The following GPHN variants were observed in gnomAD, a reference collection of about 807,000 sequenced individuals.
The protein encoded by GPHN is gephyrin.
Under a neutral mutation model 95.5 loss-of-function variants are expected in GPHN, and 17 were observed. The observed-to-expected ratio is 0.18, with a 90% CI of 0.12 to 0.27. GPHN has a LOEUF of 0.27. Ranked by LOEUF, GPHN falls within the 10% of genes least tolerant of loss-of-function variation. The probability of loss-of-function intolerance (pLI) is 1.00; values close to 1 mark genes in which losing one functional copy is unlikely to be tolerated. For missense variants in GPHN, 660 were observed against 978.1 expected (o/e 0.67, Z 4.34); for synonymous variants, 320 against 322.5 (o/e 0.99, Z 0.08).
rs142707079 is a variant in GPHN, at chr14:66,826,445, T to C, written c.294+1879T>C. On this transcript the variant is annotated intron_variant, in intron 4 of 22. Coordinates refer to ENST00000478722, the MANE Select transcript of GPHN (RefSeq NM_020806.5). ...GACACTACCTACCAGGAATTAGTACTAGACTCTGCAGATTTAAGGGCTGTG... is the reference window on the plus strand; with the variant it reads ...GACACTACCTACCAGGAATTAGTACCAGACTCTGCAGATTTAAGGGCTGTG... Among the ~76,000 whole-genome samples the C allele has an allele frequency of 3.2e-4, 48 of 152,284 alleles. No homozygotes were observed. The East Asian group carries it at 9.1e-3, about 29-fold the overall frequency.
chr14:66,958,374 G>A (rs2068673457), intron 8 of GPHN, among the ~76,000 whole-genome samples: 1 of 151,990 alleles, frequency 6.6e-6, no homozygotes, highest in African/African-American at 2.4e-5. Context: ...TGCGTCTTTG[G>A]ATCTAATTTG....
In GPHN at chr14:66,642,724, T is replaced by G. The variant is rs184514946; in HGVS notation, c.65-38383T>G. On this transcript the variant is annotated intron_variant, in intron 1 of 22. Coordinates refer to ENST00000478722, the MANE Select transcript of GPHN (RefSeq NM_020806.5). Reference sequence around the variant, plus strand: ...TATTACTTCCAGGAACAGGTCTGCATATATGCTTCTACCTGATTTATGACT... The same window carrying G: ...TATTACTTCCAGGAACAGGTCTGCAGATATGCTTCTACCTGATTTATGACT... Among the ~76,000 whole-genome samples the G allele has an allele frequency of 2.2e-4, 34 of 152,216 alleles. 1 individual carries two copies. The highest frequency in any genetic ancestry group is 1.9e-3 in the Admixed American group (29 of 15,290).
At chr14:67,457,317 G>A in the GPHN span, among the ~76,000 whole-genome samples, 1 of 152,174 alleles carries the variant, frequency 6.6e-6, no homozygotes. Flanking sequence ...CAAACAGCAG[G>A]GCATGCTGGC....
intron 1 of GPHN, among the ~76,000 whole-genome samples, chr14:66,514,740 A>C (rs2058172868): frequency 6.6e-6 from 1 of 152,260 alleles, no homozygotes; most frequent in East Asian, 1.9e-4. Flanking sequence ...GCAATCTTAC[A>C]CTTAGGTTTC....
At chr14:67,713,559 C>G in the GPHN span, among the ~76,000 whole-genome samples, 1 of 152,144 alleles carries the variant, frequency 6.6e-6, no homozygotes, top group African/African-American at 2.4e-5. Context: ...CATGCTGGTA[C>G]CAGGCACTGA....
At chr14:67,688,293 T>C in the GPHN span, among the ~76,000 whole-genome samples, 41 of 152,076 alleles carry the variant, frequency 2.7e-4, no homozygotes, top group Admixed American at 2.7e-3. Context: ...AAGGAAACAA[T>C]CCAGATGTTG....
the GPHN span, among the ~76,000 whole-genome samples, chr14:67,432,719 G>A: frequency 6.6e-6 from 1 of 152,184 alleles, no homozygotes; most frequent in African/African-American, 2.4e-5. Context: ...TGTTGGCAGA[G>A]TTGGTTCTTT....
At chr14:66,522,762 A>C (rs1280765574) in intron 1 of GPHN, among the ~76,000 whole-genome samples, 1 of 150,292 alleles carries the variant, frequency 6.7e-6, no homozygotes, top group Non-Finnish European at 1.5e-5. Context: ...AAAATATATA[A>C]TTTTTTTTTC....
intron 4 of GPHN, among the ~76,000 whole-genome samples, chr14:66,856,029 C>T (rs970228440): frequency 6.6e-6 from 1 of 151,888 alleles, no homozygotes; most frequent in South Asian, 2.1e-4. Flanking sequence ...CTTTTATATC[C>T]AAACAACACT....
At position 66,722,156 on chromosome 14, in the gene GPHN, A is replaced by G. The variant is rs117640427; in HGVS notation, c.143+40971A>G. ...ATATAGAAGTTACATAGTTGTAAAT[A>G]AAACTGAGTACTTTTAACATTGAAA... On this transcript the variant is annotated intron_variant, in intron 2 of 22. Coordinates refer to ENST00000478722, the MANE Select transcript of GPHN (RefSeq NM_020806.5). 5.4e-3 allele frequency among the ~76,000 whole-genome samples: 822 copies of G among 152,210 alleles called. 7 individuals carry two copies. The highest frequency in any genetic ancestry group is 9.6e-3 in the Admixed American group (146 of 15,270).
intron 4 of GPHN, among the ~76,000 whole-genome samples, chr14:66,836,290 A>G (rs2061805667): frequency 7.3e-6 from 1 of 137,522 alleles, no homozygotes; most frequent in Non-Finnish European, 1.5e-5. Context: ...ATAACACCGC[A>G]TATCTACAAC....
At chr14:67,042,616 G>A (rs1317081823) in intron 10 of GPHN, among the ~76,000 whole-genome samples, 1 of 152,174 alleles carries the variant, frequency 6.6e-6, no homozygotes, top group African/African-American at 2.4e-5. Flanking sequence ...GTATCATGCT[G>A]TTTTGGTTAC....
At chr14:67,298,734 A>G in the GPHN span, among the ~76,000 whole-genome samples, 1 of 152,164 alleles carries the variant, frequency 6.6e-6, no homozygotes, top group Non-Finnish European at 1.5e-5. Flanking sequence ...TTTGACATAT[A>G]TGTACATCTG....
chr14:67,244,112 T>G, the GPHN span, among the ~76,000 whole-genome samples: 1 of 152,224 alleles, frequency 6.6e-6, no homozygotes, highest in African/African-American at 2.4e-5. Flanking sequence ...ATGGATTTTT[T>G]CCGTTTTCTT....
At chr14:66,518,517 A>G (rs1048199147) in intron 1 of GPHN, among the ~76,000 whole-genome samples, 28 of 152,168 alleles carry the variant, frequency 1.8e-4, no homozygotes, top group Admixed American at 9.8e-4. Context: ...AAATCAGTAT[A>G]TGGAAGAGAC....
At chr14:66,951,779 T>C (rs889799759) in intron 8 of GPHN, among the ~76,000 whole-genome samples, 8 of 152,138 alleles carry the variant, frequency 5.3e-5, no homozygotes, top group Admixed American at 2.6e-4. Context: ...TGGTCACTTA[T>C]TGTATGATAA....
the GPHN span, among the ~76,000 whole-genome samples, chr14:67,323,261 G>GTGTATATATA: frequency 1.7e-3 from 214 of 124,180 alleles, no homozygotes; most frequent in South Asian, 4.7e-3. Context: ...GTGTGTGTGT[G>GTGTATATATA]TATATATATA....
the GPHN span, among the ~76,000 whole-genome samples, chr14:67,193,291 CATCT>C: frequency 1.7e-5 from 2 of 118,094 alleles, no homozygotes; most frequent in Admixed American, 8.8e-5. Flanking sequence ...TCTATATAGA[CATCT>C]ATCTATATAT....
the GPHN span, among the ~76,000 whole-genome samples, chr14:67,626,443 A>T: frequency 6.6e-6 from 1 of 152,190 alleles, no homozygotes; most frequent in South Asian, 2.1e-4. Context: ...CTCAAAGTTA[A>T]ATGTATAGTT....
Sources: gnomAD v4.1 joint callset for allele counts (sites outside exome capture counted in the v4.1 genomes callset) on GRCh38, gnomAD v4.1.1 for gene constraint, MANE v1.5 for transcripts, NCBI Gene and HGNC (gene_info 2026-07-23, HGNC 2026-07-21) for gene names.